The following RAD51 variants were observed in gnomAD, a reference collection of about 807,000 sequenced individuals.
RAD51 encodes the protein DNA repair protein RAD51 homolog 1.
A neutral mutation model predicts 41.5 loss-of-function variants in RAD51; 14 were observed. The observed-to-expected ratio is 0.34, with a 90% CI of 0.22 to 0.53. The LOEUF (loss-of-function observed/expected upper bound fraction) is 0.53. Ranked by LOEUF, RAD51 falls within the 20% of genes least tolerant of loss-of-function variation. The pLI is 0.95. For missense variants in RAD51, 234 were observed against 422.0 expected (o/e 0.55, Z 3.90); for synonymous variants, 136 against 148.6 (o/e 0.92, Z 0.62).
intron 5 of RAD51, among the ~76,000 whole-genome samples, chr15:40,712,823 G>T (rs1370380384): frequency 6.7e-6 from 1 of 148,416 alleles, no homozygotes; most frequent in East Asian, 2.0e-4. Context: ...AGGCTTCCTA[G>T]TGTTTTTCTA....
intron 6 of RAD51, among the ~76,000 whole-genome samples, chr15:40,724,674 CTTTTTTTTTT>C (rs869156620): frequency 3.2e-5 from 3 of 94,346 alleles, no homozygotes; most frequent in Admixed American, 1.5e-4. Context: ...TTTTTTATTT[CTTTTTTTTTT>C]TTTTTTTTTT....
chr15:40,729,430 T>G, intron 7 of RAD51, 75 bp from the exon 8 acceptor site: 1 of 1,530,076 alleles, frequency 6.5e-7, no homozygotes, highest in East Asian at 2.3e-5. Context: ...AATATGAGAT[T>G]TTAGGGTGGT....
chr15:40,730,534 T>G (rs201472559), intron 9 of RAD51, among the ~76,000 whole-genome samples: 1 of 43,786 alleles, frequency 2.3e-5, no homozygotes, highest in African/African-American at 6.6e-5. Flanking sequence ...TTTTTTTTTT[T>G]TTTTTGAGAT....
chr15:40,729,386 A>C, intron 7 of RAD51, 119 bp from the exon 8 acceptor site: 1 of 1,134,246 alleles, frequency 8.8e-7, no homozygotes, highest in East Asian at 2.9e-5. Flanking sequence ...AAAAAAAAAA[A>C]AAAAAAAAAA....
chr15:40,708,930 T>G, intron 4 of RAD51, 95 bp from the exon 5 acceptor site: 3 of 1,134,140 alleles, frequency 2.6e-6, no homozygotes, highest in Non-Finnish European at 4.0e-6. Context: ...TTAACTTACA[T>G]AAACATCTTT....
intron 6 of RAD51, 45 bp from the exon 7 acceptor site, chr15:40,728,666 C>A: frequency 1.3e-6 from 2 of 1,514,060 alleles, no homozygotes; most frequent in Admixed American, 1.7e-5. Context: ...GCTCATCTGC[C>A]TGAGTTCTGT....
At chr15:40,700,953 A>C in intron 2 of RAD51, 111 bp from the exon 3 acceptor site, 108 of 748,266 alleles carry the variant, frequency 1.4e-4, no homozygotes, top group East Asian at 4.3e-4. Flanking sequence ...TTCAAGGGAC[A>C]GTTGTATTAC....
chr15:40,706,153 T>G (rs761816675), intron 3 of RAD51, 24 bp from the exon 4 acceptor site: 5 of 1,537,052 alleles, frequency 3.3e-6, no homozygotes, highest in Admixed American at 1.7e-5. Context: ...ATTTTGTTGA[T>G]TTAATATTTC....
At chr15:40,730,330 T>A (rs1266360424) in intron 9 of RAD51, among the ~76,000 whole-genome samples, 2 of 151,852 alleles carry the variant, frequency 1.3e-5, no homozygotes, top group Non-Finnish European at 2.9e-5. Flanking sequence ...GGCAACAAAG[T>A]GAGGCCTCTG....
intron 5 of RAD51, among the ~76,000 whole-genome samples, chr15:40,715,022 A>T (rs1391927574): frequency 6.6e-6 from 1 of 152,140 alleles, no homozygotes; most frequent in Non-Finnish European, 1.5e-5. Context: ...AAAAAATAAA[A>T]ACAGTTCTGA....
chr15:40,728,194 T>A (rs1896685957), intron 6 of RAD51, among the ~76,000 whole-genome samples: 1 of 152,160 alleles, frequency 6.6e-6, no homozygotes, highest in South Asian at 2.1e-4. Context: ...TCAGGCGTGG[T>A]GGCTCACGCC....
At chr15:40,719,929 C>T (rs563712051) in intron 6 of RAD51, among the ~76,000 whole-genome samples, 6 of 151,836 alleles carry the variant, frequency 4.0e-5, no homozygotes, top group South Asian at 2.1e-4. Flanking sequence ...GATACACACA[C>T]GCCTAACAAC....
intron 3 of RAD51, among the ~76,000 whole-genome samples, chr15:40,702,182 C>G (rs1895047088): frequency 6.6e-6 from 1 of 152,102 alleles, no homozygotes; most frequent in Non-Finnish European, 1.5e-5. Flanking sequence ...GAAGTGGTTG[C>G]TTAATTGGAA....
rs539233444 is a variant in RAD51 at position 40,730,986 on chromosome 15, G to A, written c.897-69G>A. On this transcript the variant is annotated intron_variant, in intron 9 of 9. Transcript: ENST00000267868. ...ATATGTCTAAAAAATTTTCAGCTCTGTTACAAAGTCAGGAACGGAATTGTT... is the reference window on the plus strand; with the variant it reads ...ATATGTCTAAAAAATTTTCAGCTCTATTACAAAGTCAGGAACGGAATTGTT... The A allele has an allele frequency of 1.9e-6, 3 of 1,605,816 alleles. No individual in the cohort carries two copies. The African/African-American group carries it at 4.0e-5, about 22-fold the overall frequency.
intron 5 of RAD51, among the ~76,000 whole-genome samples, chr15:40,712,141 A>G (rs1351768258): frequency 6.6e-6 from 1 of 152,124 alleles, no homozygotes. Flanking sequence ...TGATTTTATG[A>G]AGAGTAAGCA....
Position 40,701,070 on chromosome 15 carries a change from G to T in RAD51, c.94G>T (p.Gly32Cys). 1.2e-6 allele frequency: 2 copies of T among 1,614,196 alleles called. No homozygotes were observed. Among genetic ancestry groups the T allele is most frequent in the South Asian group, 1.1e-5 (1 of 91,092 alleles). The change falls in exon 3 of 10, where the codon GGC (glycine) becomes TGC (cysteine). Residue 32 changes from glycine to cysteine, a missense_variant. Gly to Cys is a radical substitution (Grantham distance 159, BLOSUM62 -3). Around this residue, in one of 2 missense-constraint regions of RAD51, gnomAD observed 100 missense variants for 135.5 expected, o/e 0.74. Coordinates refer to ENST00000267868, the MANE Select transcript of RAD51 (RefSeq NM_002875.5). ...TGGTTTTCTTCATTTGCAGCAGTGT[G>T]GCATAAATGCCAACGATGTGAAGAA... ...PQPISRLEQC[G>C]INANDVKKLE...
intron 5 of RAD51, among the ~76,000 whole-genome samples, chr15:40,713,083 G>A (rs1383612888): frequency 6.6e-6 from 1 of 150,592 alleles, no homozygotes; most frequent in Non-Finnish European, 1.5e-5. Context: ...GTTTCACCAT[G>A]TTGGCCAGGC....
intron 5 of RAD51, among the ~76,000 whole-genome samples, chr15:40,717,111 G>C (rs1896029960): frequency 6.6e-6 from 1 of 152,128 alleles, no homozygotes; most frequent in Non-Finnish European, 1.5e-5. Flanking sequence ...GCCAAGGTGG[G>C]TGAATCACCT....
intron 4 of RAD51, 25 bp downstream of exon 4, chr15:40,706,319 T>C: frequency 6.5e-7 from 1 of 1,534,642 alleles, no homozygotes; most frequent in Non-Finnish European, 9.0e-7. Context: ...TATCCTGTGT[T>C]GTGAACTCTA....
Sources: allele counts gnomAD v4.1 joint callset (sites outside exome capture counted in the v4.1 genomes callset), GRCh38; gene constraint gnomAD v4.1.1; regional missense constraint gnomAD v4.1.1; transcripts MANE v1.5; gene names NCBI Gene and HGNC (gene_info 2026-07-23, HGNC 2026-07-21).